Variants in OR14I1 observed in about 807,000 individuals in gnomAD.
OR14I1 encodes the protein olfactory receptor family 14 subfamily I member 1, also known as olfactory receptor 14I1.
For missense variants in OR14I1, 279 were observed against 181.8 expected, an observed-to-expected ratio of 1.53 and a Z score of -3.07; for synonymous variants, 118 against 71.1, an observed-to-expected ratio of 1.66 and a Z score of -3.32.
chr1:248,692,493 C>G, the OR14I1 span: 1 of 152,694 alleles, frequency 6.5e-6, no homozygotes, highest in Non-Finnish European at 1.5e-5. Flanking sequence ...CACCTGCTTT[C>G]TCTACCCCAG....
exon 1 of OR14I1, chr1:248,681,859 C>T (rs984855463): frequency 1.3e-6 from 1 of 780,938 alleles, no homozygotes; most frequent in Non-Finnish European, 2.4e-6. Flanking sequence ...GGAAAAGCAG[C>T]TTAGCCAGGT....
At chr1:248,687,380 AC>A in the OR14I1 span, among the ~76,000 whole-genome samples, 1 of 152,128 alleles carries the variant, frequency 6.6e-6, no homozygotes, top group African/African-American at 2.4e-5. Flanking sequence ...TTGCACATAG[AC>A]TCTCAGAAAA....
At chr1:248,692,452 GCT>G in the OR14I1 span, among the ~76,000 whole-genome samples, 1 of 152,126 alleles carries the variant, frequency 6.6e-6, no homozygotes, top group Non-Finnish European at 1.5e-5. Flanking sequence ...CCACATCCCT[GCT>G]CTGATTCCCA....
chr1:248,702,702 CCTCA>C, the OR14I1 span, among the ~76,000 whole-genome samples: 310 of 152,236 alleles, frequency 2.0e-3, 2 homozygotes, highest in African/African-American at 7.1e-3. Flanking sequence ...GTGTCACCCA[CCTCA>C]CTCAGAGCAA....
downstream of OR14I1, among the ~76,000 whole-genome samples, chr1:248,680,784 A>T (rs974899351): frequency 1.3e-5 from 2 of 152,202 alleles, no homozygotes; most frequent in African/African-American, 4.8e-5. Flanking sequence ...TGACAATCTC[A>T]GTAGATGCAT....
At chr1:248,680,490 C>T (rs1661539474), downstream of OR14I1, among the ~76,000 whole-genome samples, 1 of 152,142 alleles carries the variant, frequency 6.6e-6, no homozygotes, top group Admixed American at 6.5e-5. Flanking sequence ...AAGTGAAAAT[C>T]AGGAATAGCC....
At chr1:248,687,570 T>A in the OR14I1 span, among the ~76,000 whole-genome samples, 62 of 152,346 alleles carry the variant, frequency 4.1e-4, no homozygotes, top group African/African-American at 1.4e-3. Flanking sequence ...TCATTTCATT[T>A]TTCAAATGAG....
the OR14I1 span, chr1:248,691,858 G>A: frequency 6.6e-6 from 1 of 152,372 alleles, no homozygotes; most frequent in Non-Finnish European, 1.5e-5. Flanking sequence ...AGCTGCTCCC[G>A]CGGGCCCACA....
chr1:248,695,975 C>G, the OR14I1 span, among the ~76,000 whole-genome samples: 1 of 152,218 alleles, frequency 6.6e-6, no homozygotes, highest in African/African-American at 2.4e-5. Context: ...TTTCCCCATT[C>G]CACACTCCCC....
chr1:248,693,103 G>A, the OR14I1 span, among the ~76,000 whole-genome samples: 134 of 152,312 alleles, frequency 8.8e-4, no homozygotes, highest in Non-Finnish European at 1.5e-3. Flanking sequence ...CTTATCGGGA[G>A]GAGTCATTCA....
the OR14I1 span, among the ~76,000 whole-genome samples, chr1:248,702,507 T>A: frequency 6.6e-6 from 1 of 152,154 alleles, no homozygotes; most frequent in African/African-American, 2.4e-5. Context: ...CAGAGTATCT[T>A]TAGAATTCTA....
chr1:248,700,736 A>G, the OR14I1 span, among the ~76,000 whole-genome samples: 13 of 152,200 alleles, frequency 8.5e-5, no homozygotes, highest in Non-Finnish European at 1.6e-4. Flanking sequence ...ACACTCTATG[A>G]AAAGTGTCAT....
the OR14I1 span, among the ~76,000 whole-genome samples, chr1:248,688,140 A>C: frequency 6.6e-6 from 1 of 152,224 alleles, no homozygotes; most frequent in Admixed American, 6.5e-5. Context: ...AACTCTAGAG[A>C]AGACTGTGTA....
At chr1:248,697,809 G>A in the OR14I1 span, among the ~76,000 whole-genome samples, 4 of 151,978 alleles carry the variant, frequency 2.6e-5, no homozygotes, top group African/African-American at 4.8e-5. Context: ...AAAAAACCAC[G>A]GGGGCAATGT....
chr1:248,698,752 A>G, the OR14I1 span: 1 of 152,384 alleles, frequency 6.6e-6, no homozygotes, highest in Non-Finnish European at 1.5e-5. Context: ...GGATCACACC[A>G]GAGTGTGACT....
downstream of OR14I1, among the ~76,000 whole-genome samples, chr1:248,680,333 A>G (rs1224955582): frequency 6.6e-6 from 1 of 152,200 alleles, no homozygotes; most frequent in African/African-American, 2.4e-5. Context: ...AGTAAAAGTG[A>G]GATTTGGGAT....
At chr1:248,702,186 C>T in the OR14I1 span, among the ~76,000 whole-genome samples, 2 of 152,138 alleles carry the variant, frequency 1.3e-5, no homozygotes, top group Non-Finnish European at 2.9e-5. Flanking sequence ...CTCAACGGTC[C>T]CCCAAGTCTT....
downstream of OR14I1, among the ~76,000 whole-genome samples, chr1:248,679,868 A>G (rs1337981209): frequency 6.6e-6 from 1 of 152,208 alleles, no homozygotes; most frequent in Non-Finnish European, 1.5e-5. Flanking sequence ...AAATTATCTT[A>G]TAGTTTCAGA....
the OR14I1 span, among the ~76,000 whole-genome samples, chr1:248,698,309 C>T: frequency 1.3e-5 from 2 of 152,190 alleles, no homozygotes; most frequent in African/African-American, 4.8e-5. Context: ...GAATATGTGC[C>T]ATGTGAAAGA....
Sources: gnomAD v4.1 joint callset for allele counts (sites outside exome capture counted in the v4.1 genomes callset) on GRCh38, gnomAD v4.1.1 for gene constraint, MANE v1.5 for transcripts, NCBI Gene and HGNC (gene_info 2026-07-23, HGNC 2026-07-21) for gene names.